MYO1E: variants seen among roughly 807,000 people sequenced by gnomAD.
MYO1E encodes the protein myosin IE.
Under a neutral mutation model 151.1 loss-of-function variants are expected in MYO1E, and 68 were observed. The observed-to-expected ratio is 0.45, with a 90% CI of 0.37 to 0.55. The LOEUF is 0.55. Among genes scored for constraint, MYO1E ranks in the 20% least tolerant of loss-of-function variants. MYO1E has a pLI of 0.00. For missense variants in MYO1E, 1,363 were observed against 1,389.3 expected (o/e 0.98, Z 0.30); for synonymous variants, 601 against 501.7 (o/e 1.20, Z -2.64).
rs1208725272 is a variant in MYO1E at position 59,217,912 on chromosome 15, C to T, written c.1086G>A (p.Arg362=). The part of the protein sequence containing the change: ...RDALAKALHA[R]VFDFLVDSIN... ...TTACATCTACCAAGAAATCAAAGAC[C>T]CGGGCGTGCAGGGCCTTGGCGAGCG... Residue 362 remains arginine, a synonymous_variant, in exon 10 of 28, where the codon CGG becomes CGA. Coordinates refer to ENST00000288235, the MANE Select transcript of MYO1E (RefSeq NM_004998.4). The T allele has an allele frequency of 1.2e-6, 2 of 1,613,974 alleles. No homozygotes were observed. Among genetic ancestry groups the T allele is most frequent in the Non-Finnish European group, 8.5e-7 (1 of 1,180,022 alleles).
intron 4 of MYO1E, among the ~76,000 whole-genome samples, chr15:59,244,746 T>C (rs2080119789): frequency 6.6e-6 from 1 of 152,232 alleles, no homozygotes; most frequent in Non-Finnish European, 1.5e-5. Context: ...CTCAGTTTCT[T>C]GATCTGCAAA....
At chr15:59,170,733 C>T (rs1369664603) in intron 22 of MYO1E, among the ~76,000 whole-genome samples, 1 of 152,154 alleles carries the variant, frequency 6.6e-6, no homozygotes, top group Non-Finnish European at 1.5e-5. Context: ...CTGCCTGGTC[C>T]TTTATCCAGG....
chr15:59,266,388 A>T (rs940747895), intron 2 of MYO1E, among the ~76,000 whole-genome samples: 1 of 152,230 alleles, frequency 6.6e-6, no homozygotes, highest in East Asian at 1.9e-4. Flanking sequence ...AATTATTTAA[A>T]AGACTCTGGG....
chr15:59,222,908 G>A (rs1459582150), intron 9 of MYO1E, 151 bp downstream of exon 9: 37 of 1,218,750 alleles, frequency 3.0e-5, no homozygotes, highest in Admixed American at 2.7e-4. Flanking sequence ...CTGGTCTCTC[G>A]TGAAGCCATT....
chr15:59,253,270 T>G (rs2080175393), intron 4 of MYO1E, among the ~76,000 whole-genome samples: 1 of 152,202 alleles, frequency 6.6e-6, no homozygotes, highest in African/African-American at 2.4e-5. Context: ...TATTTGAAGG[T>G]GACCAAGCAA....
At chr15:59,344,921 T>C (rs928103580) in intron 1 of MYO1E, among the ~76,000 whole-genome samples, 1 of 152,230 alleles carries the variant, frequency 6.6e-6, no homozygotes. Flanking sequence ...AACCAGCATG[T>C]CATTTTTTAA....
intron 14 of MYO1E, chr15:59,207,838 G>A (rs2079849481): frequency 6.2e-7 from 1 of 1,614,184 alleles, no homozygotes; most frequent in East Asian, 2.2e-5. Context: ...TACTTCTTGG[G>A]CCATTGGCCT....
intron 1 of MYO1E, among the ~76,000 whole-genome samples, chr15:59,305,158 G>A (rs1364304236): frequency 6.6e-6 from 1 of 152,150 alleles, no homozygotes; most frequent in Non-Finnish European, 1.5e-5. Flanking sequence ...TTCATATCTA[G>A]CAGAATGTCA....
chr15:59,223,212 T>C, intron 8 of MYO1E, 21 bp from the exon 9 acceptor site: 1 of 1,613,230 alleles, frequency 6.2e-7, no homozygotes, highest in Non-Finnish European at 8.5e-7. Flanking sequence ...AAAGAGAAAC[T>C]ATCCAGAGAA....
intron 1 of MYO1E, among the ~76,000 whole-genome samples, chr15:59,327,015 T>C (rs1425478393): frequency 3.3e-5 from 5 of 152,216 alleles, no homozygotes; most frequent in African/African-American, 9.6e-5. Context: ...ATCAGGCACC[T>C]GCACCCAGAG....
chr15:59,259,715 G>A (rs1274209127), intron 3 of MYO1E, among the ~76,000 whole-genome samples: 2 of 152,212 alleles, frequency 1.3e-5, no homozygotes, highest in Admixed American at 1.3e-4. Flanking sequence ...TGTCATACTT[G>A]ACCTTTGCAT....
At chr15:59,348,260 C>A (rs1230614862) in intron 1 of MYO1E, among the ~76,000 whole-genome samples, 1 of 152,154 alleles carries the variant, frequency 6.6e-6, no homozygotes, top group Non-Finnish European at 1.5e-5. Context: ...GAACTAGTTT[C>A]CTATTTATTC....
Position 59,309,246 on chromosome 15 carries a change from T to A in MYO1E, c.4-36797A>T, listed in dbSNP as rs148071790. Among the ~76,000 whole-genome samples, 7 of 152,294 alleles carry A rather than the reference T, an allele frequency of 4.6e-5. No homozygotes were observed. The East Asian group carries it at 1.2e-3, about 25-fold the overall frequency. On this transcript the variant is annotated intron_variant, in intron 1 of 27. Transcript: ENST00000288235. ...CCTTACATACATTAACTGATGTCTA[T>A]CCTCAGAGTAATGCTACAAGAATGG...
chr15:59,342,892 C>A (rs1238958575), intron 1 of MYO1E, among the ~76,000 whole-genome samples: 1 of 152,158 alleles, frequency 6.6e-6, no homozygotes, highest in African/African-American at 2.4e-5. Flanking sequence ...AGCAAAAAGA[C>A]AACCAATAAA....
At chr15:59,278,311 G>A (rs1275187145) in intron 1 of MYO1E, among the ~76,000 whole-genome samples, 8 of 152,144 alleles carry the variant, frequency 5.3e-5, no homozygotes, top group East Asian at 1.9e-4. Flanking sequence ...ATATTCTTAC[G>A]GTGAACAATG....
intron 4 of MYO1E, among the ~76,000 whole-genome samples, chr15:59,240,105 A>G (rs1357188204): frequency 6.6e-6 from 1 of 152,198 alleles, no homozygotes; most frequent in Non-Finnish European, 1.5e-5. Context: ...CACACACACA[A>G]ATACTCTAGA....
intron 4 of MYO1E, among the ~76,000 whole-genome samples, chr15:59,237,102 T>G (rs12912088): frequency 0.18 from 28,080 of 152,082 alleles, 3,421 homozygotes; most frequent in East Asian, 0.61. Flanking sequence ...ATTACAATTT[T>G]TTTTTCTTAA....
At chr15:59,221,171 T>C (rs1044522506) in intron 9 of MYO1E, among the ~76,000 whole-genome samples, 14 of 151,374 alleles carry the variant, frequency 9.2e-5, no homozygotes, top group Non-Finnish European at 1.8e-4. Context: ...CCACCAAACC[T>C]GGCTAATGTT....
At chr15:59,220,916 C>A (rs539711041) in intron 9 of MYO1E, among the ~76,000 whole-genome samples, 4 of 105,704 alleles carry the variant, frequency 3.8e-5, no homozygotes, top group African/African-American at 1.3e-4. Flanking sequence ...TAAGCAAGAC[C>A]CCATCTCTTA....
Sources: gnomAD v4.1 joint callset for allele counts (sites outside exome capture counted in the v4.1 genomes callset) on GRCh38, gnomAD v4.1.1 for gene constraint, MANE v1.5 for transcripts, NCBI Gene and HGNC (gene_info 2026-07-23, HGNC 2026-07-21) for gene names.